RSPO2: variants seen among roughly 807,000 people sequenced by gnomAD.
The protein encoded by RSPO2 is R-spondin-2.
Under a neutral mutation model 30.9 loss-of-function variants are expected in RSPO2, and 14 were observed. The ratio of observed to expected loss-of-function variants is 0.45; its 90% CI spans 0.30 to 0.71. The LOEUF is 0.71. Ranked by LOEUF, RSPO2 falls within the 30% of genes least tolerant of loss-of-function variation. RSPO2 has a pLI of 0.08. For missense variants in RSPO2, 264 were observed against 301.9 expected, an observed-to-expected ratio of 0.87 and a Z score of 0.93; for synonymous variants, 107 against 96.4, an observed-to-expected ratio of 1.11 and a Z score of -0.64.
At chr8:107,992,864 C>A (rs1201811580) in intron 2 of RSPO2, among the ~76,000 whole-genome samples, 3 of 152,014 alleles carry the variant, frequency 2.0e-5, no homozygotes, top group African/African-American at 7.3e-5. Flanking sequence ...ATAGTTTAAC[C>A]AGGTGAGCAA....
intron 2 of RSPO2, among the ~76,000 whole-genome samples, chr8:108,042,643 A>G (rs920956731): frequency 1.3e-5 from 2 of 152,186 alleles, no homozygotes; most frequent in Non-Finnish European, 2.9e-5. Context: ...CCCAAATGAC[A>G]AAGTGGGGAG....
chr8:108,047,202 C>T (rs537699452), intron 2 of RSPO2, among the ~76,000 whole-genome samples: 2 of 152,230 alleles, frequency 1.3e-5, no homozygotes, highest in Admixed American at 1.3e-4. Context: ...CAGTATTATC[C>T]AGGATATGAA....
chr8:108,022,519 A>G (rs1258327479), intron 2 of RSPO2, among the ~76,000 whole-genome samples: 1 of 152,192 alleles, frequency 6.6e-6, no homozygotes, highest in African/African-American at 2.4e-5. Flanking sequence ...TGCTCTTAAC[A>G]CACATAACTA....
rs1029738742 is a variant in RSPO2 at position 107,977,864 on chromosome 8, A to G, written c.283+11192T>C. Among the ~76,000 whole-genome samples, 3 of 151,948 alleles carry G rather than the reference A, an allele frequency of 2.0e-5. No individual in the cohort carries two copies. In the South Asian group the frequency reaches 6.2e-4, roughly 32 times the overall value. On this transcript the variant is annotated intron_variant, in intron 3 of 5. Transcript: ENST00000276659. The stretch of plus-strand genomic sequence containing the variant: ...ATTCCTGGTAACATCTGTACCTGTG[A>G]TCAGTATTTTTGATCAGTATTAATA...
At chr8:108,072,572 T>C (rs1044290635) in intron 2 of RSPO2, among the ~76,000 whole-genome samples, 18 of 148,576 alleles carry the variant, frequency 1.2e-4, no homozygotes, top group African/African-American at 4.0e-4. Context: ...TCTCCTGACC[T>C]CGTGATCCGC....
intron 5 of RSPO2, among the ~76,000 whole-genome samples, chr8:107,946,781 G>C (rs1813073415): frequency 6.6e-6 from 1 of 152,066 alleles, no homozygotes; most frequent in Non-Finnish European, 1.5e-5. Flanking sequence ...AAAATAACTT[G>C]TCATTCAACC....
chr8:108,076,269 G>T (rs1586682561), intron 2 of RSPO2, among the ~76,000 whole-genome samples: 1 of 152,192 alleles, frequency 6.6e-6, no homozygotes, highest in East Asian at 1.9e-4. Flanking sequence ...GGTGGGGAAC[G>T]CTGACTGCTA....
intron 3 of RSPO2, among the ~76,000 whole-genome samples, chr8:107,986,920 C>A (rs1424370092): frequency 6.6e-6 from 1 of 152,150 alleles, no homozygotes; most frequent in African/African-American, 2.4e-5. Context: ...AATAAATTAT[C>A]AAGTAGCCTA....
intron 5 of RSPO2, among the ~76,000 whole-genome samples, chr8:107,902,049 T>A (rs1811492145): frequency 6.6e-6 from 1 of 152,174 alleles, no homozygotes; most frequent in Admixed American, 6.5e-5. Context: ...GGTCTCAACC[T>A]TTGTACACAT....
At chr8:108,070,883 C>T (rs1812825073) in intron 2 of RSPO2, among the ~76,000 whole-genome samples, 2 of 152,180 alleles carry the variant, frequency 1.3e-5, no homozygotes, top group African/African-American at 2.4e-5. Context: ...TTTAATCTTC[C>T]TCTTCATAAA....
At chr8:107,944,585 A>T (rs184804126) in intron 5 of RSPO2, among the ~76,000 whole-genome samples, 9 of 152,310 alleles carry the variant, frequency 5.9e-5, no homozygotes, top group African/African-American at 2.2e-4. Context: ...TCTTAATTGC[A>T]TTACATCTGA....
chr8:107,981,992 T>C (rs1814450910), intron 3 of RSPO2, among the ~76,000 whole-genome samples: 1 of 109,446 alleles, frequency 9.1e-6, no homozygotes, highest in African/African-American at 3.7e-5. Context: ...GCTATGACTG[T>C]GCAACAACAA....
In RSPO2 at chr8:107,932,898, A is replaced by T. The variant is rs796686790; in HGVS notation, c.616+25182T>A. Among the ~76,000 whole-genome samples the T allele has an allele frequency of 3.9e-5, 6 of 152,288 alleles. 1 individual carries two copies. The highest frequency in any genetic ancestry group is 1.4e-4 in the African/African-American group (6 of 41,576). On this transcript the variant is annotated intron_variant, in intron 5 of 5. Transcript: ENST00000276659. ...CATCCACACAGTCTGTAATTTCTGAAACCTTATGCTAAATCTGCATTGGAA... is the reference window on the plus strand; with the variant it reads ...CATCCACACAGTCTGTAATTTCTGATACCTTATGCTAAATCTGCATTGGAA...
At chr8:108,067,752 A>G (rs923163814) in intron 2 of RSPO2, among the ~76,000 whole-genome samples, 1 of 152,222 alleles carries the variant, frequency 6.6e-6, no homozygotes, top group Admixed American at 6.5e-5. Flanking sequence ...AATGCTCCAT[A>G]AAGAGCACTA....
At chr8:107,923,601 A>G (rs1441372600) in intron 5 of RSPO2, among the ~76,000 whole-genome samples, 1 of 152,178 alleles carries the variant, frequency 6.6e-6, no homozygotes, top group African/African-American at 2.4e-5. Context: ...TTGTTTCATC[A>G]TAAAGACACA....
chr8:108,011,146 A>AG (rs1280053725), intron 2 of RSPO2, among the ~76,000 whole-genome samples: 35 of 149,966 alleles, frequency 2.3e-4, no homozygotes, highest in Middle Eastern at 3.4e-3. Context: ...AAAAAAAAAA[A>AG]AAAAAGAAAG....
intron 2 of RSPO2, among the ~76,000 whole-genome samples, chr8:107,998,420 C>T (rs145009178): frequency 4.1e-4 from 62 of 152,198 alleles, no homozygotes; most frequent in Middle Eastern, 6.8e-3. Context: ...ATGTGCCACA[C>T]AAGATTTGAC....
chr8:107,965,148 C>T (rs1813755791), intron 3 of RSPO2, among the ~76,000 whole-genome samples: 1 of 152,060 alleles, frequency 6.6e-6, no homozygotes, highest in South Asian at 2.1e-4. Context: ...GTTTTAAGTC[C>T]TCGTTCAAAT....
intron 2 of RSPO2, among the ~76,000 whole-genome samples, chr8:107,991,249 A>AACACACACACACAC (rs60247229): frequency 1.3e-4 from 18 of 133,468 alleles, no homozygotes; most frequent in African/African-American, 4.7e-4. Context: ...CTCCATCTCA[A>AACACACACACACAC]ACACACACAC....
Sources: allele counts gnomAD v4.1 joint callset (sites outside exome capture counted in the v4.1 genomes callset), GRCh38; gene constraint gnomAD v4.1.1; transcripts MANE v1.5; gene names NCBI Gene and HGNC (gene_info 2026-07-23, HGNC 2026-07-21).